GLDN: variants seen among roughly 807,000 people sequenced by gnomAD.
The protein encoded by GLDN is collomin.
Under a neutral mutation model 56.5 loss-of-function variants are expected in GLDN, and 47 were observed. That is an observed-to-expected ratio of 0.83 (90% confidence interval 0.66 to 1.06). GLDN has a LOEUF of 1.06. Among genes scored for constraint, GLDN ranks in the 50% least tolerant of loss-of-function variants. GLDN has a pLI of 0.00. For missense variants in GLDN, 782 were observed against 714.3 expected (o/e 1.09, Z -1.08); for synonymous variants, 332 against 278.8 (o/e 1.19, Z -1.90).
rs1199285954 is a variant in GLDN at position 51,405,849 on chromosome 15, T to A, written c.*1095T>A. ...AAGGTTTTACTGAGCACAGCCACAC[T>A]CATTTGTTTATGCAGTACGGCCTGA... On this transcript the variant is annotated 3_prime_UTR_variant, in exon 10 of 10. Transcript: ENST00000335449. 6.6e-6 allele frequency: 1 copy of A among 152,230 alleles called. No homozygotes were observed. The highest frequency in any genetic ancestry group is 1.5e-5 in the Non-Finnish European group (1 of 68,056). The allele number at this position is 152,230 out of a possible 1,614,324, so 9.4% of individuals were successfully genotyped here. A position where few individuals can be genotyped will look rare whatever the true frequency, so the allele number is the denominator to read the frequency against.
chr15:51,412,394 T>A (rs887944409), downstream of GLDN, among the ~76,000 whole-genome samples: 18 of 152,202 alleles, frequency 1.2e-4, no homozygotes, highest in African/African-American at 4.3e-4. Flanking sequence ...TTTTCTGTTT[T>A]TTTGTCTTTT....
At chr15:51,354,372 G>A (rs2141054726) in intron 1 of GLDN, among the ~76,000 whole-genome samples, 1 of 152,282 alleles carries the variant, frequency 6.6e-6, no homozygotes, top group South Asian at 2.1e-4. Context: ...GGTGGAAAAT[G>A]CCTACCCCCA....
intron 1 of GLDN, among the ~76,000 whole-genome samples, chr15:51,363,635 G>T (rs756592340): frequency 6.6e-6 from 1 of 152,146 alleles, no homozygotes; most frequent in African/African-American, 2.4e-5. Context: ...AAACACTTAC[G>T]ACACAAGCAA....
rs186188863 is a variant in GLDN, at chr15:51,367,022, C to T, written c.364-10427C>T. Among the ~76,000 whole-genome samples, 25 of 152,340 alleles carry T rather than the reference C, an allele frequency of 1.6e-4. No individual in the cohort carries two copies. The East Asian group carries it at 4.8e-3, about 29-fold the overall frequency. On this transcript the variant is annotated intron_variant, in intron 1 of 9. Coordinates refer to ENST00000335449, the MANE Select transcript of GLDN (RefSeq NM_181789.4). ...GGACTTCTTAATTTAATCCTCATAG[C>T]CACTCCTTGGGTAAATACTGTCACC...
chr15:51,410,493 A>G (rs1372700186), downstream of GLDN, among the ~76,000 whole-genome samples: 7 of 152,186 alleles, frequency 4.6e-5, no homozygotes, highest in African/African-American at 1.7e-4. Flanking sequence ...TTCTAGTGCC[A>G]GAGTACCCCA....
At chr15:51,347,864 A>T (rs1289066001) in intron 1 of GLDN, among the ~76,000 whole-genome samples, 1 of 152,232 alleles carries the variant, frequency 6.6e-6, no homozygotes, top group Non-Finnish European at 1.5e-5. Flanking sequence ...TAGAACAAGA[A>T]TGAGGAAATT....
intron 1 of GLDN, among the ~76,000 whole-genome samples, chr15:51,367,714 A>G (rs536909993): frequency 2.0e-5 from 3 of 152,308 alleles, no homozygotes; most frequent in African/African-American, 7.2e-5. Context: ...TGGTTTCCCC[A>G]TTGCATTGCA....
intron 1 of GLDN, among the ~76,000 whole-genome samples, chr15:51,357,466 A>G (rs1266530747): frequency 3.9e-5 from 6 of 152,184 alleles, no homozygotes; most frequent in Non-Finnish European, 8.8e-5. Context: ...TTGGAGGAAG[A>G]CACGAGGCAC....
intron 1 of GLDN, among the ~76,000 whole-genome samples, chr15:51,343,632 A>T (rs2141042504): frequency 6.6e-6 from 1 of 152,328 alleles, no homozygotes; most frequent in African/African-American, 2.4e-5. Context: ...GAACTATCAC[A>T]TGTGTCAGAC....
chr15:51,362,138 G>A (rs1346098953), intron 1 of GLDN, among the ~76,000 whole-genome samples: 2 of 152,174 alleles, frequency 1.3e-5, no homozygotes, highest in African/African-American at 4.8e-5. Flanking sequence ...CCCGAGTTGA[G>A]AGAGCTCAGG....
intron 1 of GLDN, chr15:51,369,142 T>C (rs181441216): frequency 1.7e-4 from 26 of 152,318 alleles, no homozygotes; most frequent in Admixed American, 1.5e-3. Context: ...TCTTCTAACA[T>C]CTGCGATCTA....
chr15:51,362,764 G>A (rs35463563), intron 1 of GLDN, among the ~76,000 whole-genome samples: 45,264 of 151,942 alleles, frequency 0.3, 7,545 homozygotes, highest in East Asian at 0.46. Context: ...AAGTAGGGGG[G>A]CTATTTATAT....
At chr15:51,355,818 C>A (rs1229260568) in intron 1 of GLDN, among the ~76,000 whole-genome samples, 1 of 151,048 alleles carries the variant, frequency 6.6e-6, no homozygotes, top group Admixed American at 6.6e-5. Flanking sequence ...CCACCACACC[C>A]GGCCCTACTG....
intron 1 of GLDN, among the ~76,000 whole-genome samples, chr15:51,373,441 A>T (rs1446502144): frequency 6.6e-6 from 1 of 152,236 alleles, no homozygotes; most frequent in Non-Finnish European, 1.5e-5. Flanking sequence ...ATATTTACTG[A>T]TAAAAGTTCG....
chr15:51,401,120 A>G (rs139222074), intron 8 of GLDN, among the ~76,000 whole-genome samples: 1 of 152,372 alleles, frequency 6.6e-6, no homozygotes, highest in African/African-American at 2.4e-5. Flanking sequence ...CATCAAGGCC[A>G]GTTATTCAAT....
At chr15:51,347,485 C>A (rs2036998891) in intron 1 of GLDN, among the ~76,000 whole-genome samples, 1 of 152,114 alleles carries the variant, frequency 6.6e-6, no homozygotes, top group Non-Finnish European at 1.5e-5. Flanking sequence ...CAAGACAATT[C>A]TTCTTCTTCC....
intron 1 of GLDN, among the ~76,000 whole-genome samples, chr15:51,348,545 G>T (rs2037020039): frequency 6.6e-6 from 1 of 151,848 alleles, no homozygotes; most frequent in Non-Finnish European, 1.5e-5. Flanking sequence ...TCTTGCCCAG[G>T]CTGGTCTTGA....
In GLDN at chr15:51,407,957, T is replaced by A. The variant is rs2038421068; in HGVS notation, c.*3203T>A. 1 of 152,226 alleles carries A rather than the reference T, an allele frequency of 6.6e-6. No individual in the cohort carries two copies. The highest frequency in any genetic ancestry group is 6.5e-5 in the Admixed American group (1 of 15,288). 9.4% of individuals were successfully genotyped at this position (152,226 alleles called of 1,614,324 possible). A position where few individuals can be genotyped will look rare whatever the true frequency, so the allele number is the denominator to read the frequency against. On this transcript the variant is annotated 3_prime_UTR_variant, in exon 10 of 10. Coordinates refer to ENST00000335449, the MANE Select transcript of GLDN (RefSeq NM_181789.4). ...TGAATAACGATGAATGTCTTTTTGG[T>A]TGTAATTTAACAAGTCAAATAAAAT...
At chr15:51,394,541 A>G (rs1595835449) in intron 4 of GLDN, among the ~76,000 whole-genome samples, 1 of 152,110 alleles carries the variant, frequency 6.6e-6, no homozygotes, top group East Asian at 1.9e-4. Context: ...TGAACCAGGG[A>G]GGCAGAGGTT....
Sources: gnomAD v4.1 joint callset for allele counts (sites outside exome capture counted in the v4.1 genomes callset) on GRCh38, gnomAD v4.1.1 for gene constraint, MANE v1.5 for transcripts, NCBI Gene and HGNC (gene_info 2026-07-23, HGNC 2026-07-21) for gene names.